KAZN: variants seen among roughly 807,000 people sequenced by gnomAD.
KAZN encodes kazrin.
A neutral mutation model predicts 87.4 loss-of-function variants in KAZN; 40 were observed. The observed-to-expected ratio is 0.46, with a 90% CI of 0.36 to 0.60. The LOEUF is 0.60. KAZN is among the 20% of genes least tolerant of loss of function. The pLI is 0.00. For synonymous variants in KAZN, 466 were observed against 458.3 expected (o/e 1.02, Z -0.22); for missense variants, 898 against 1,073.9 (o/e 0.84, Z 2.29).
chr1:14,858,158 T>A (rs1010566768), intron 1 of KAZN, among the ~76,000 whole-genome samples: 2 of 152,130 alleles, frequency 1.3e-5, no homozygotes, highest in Non-Finnish European at 2.9e-5. Flanking sequence ...TGGAATAATA[T>A]TGCATGATAT....
intron 2 of KAZN, among the ~76,000 whole-genome samples, chr1:14,405,885 A>G (rs1663810649): frequency 6.6e-6 from 1 of 151,978 alleles, no homozygotes; most frequent in Admixed American, 6.6e-5. Context: ...TTTTTGTTCT[A>G]TCCATGCCTC....
intron 2 of KAZN, among the ~76,000 whole-genome samples, chr1:14,483,435 A>C (rs1343078041): frequency 6.6e-6 from 1 of 152,218 alleles, no homozygotes; most frequent in East Asian, 1.9e-4. Flanking sequence ...AAGAAGGAAC[A>C]AAAGGGCAGC....
intron 1 of KAZN, chr1:14,929,883 C>T: frequency 1.0e-6 from 1 of 985,436 alleles, no homozygotes; most frequent in Non-Finnish European, 1.2e-6. Context: ...GGTGGGGACT[C>T]CAGGCTTTCT....
At chr1:14,518,579 G>A (rs1411439111) in intron 2 of KAZN, among the ~76,000 whole-genome samples, 1 of 152,134 alleles carries the variant, frequency 6.6e-6, no homozygotes, top group Admixed American at 6.5e-5. Flanking sequence ...ATCTGCTCTC[G>A]TCGCTTCATC....
chr1:14,010,150 A>G (rs1226311488), intron 1 of KAZN, among the ~76,000 whole-genome samples: 1 of 152,066 alleles, frequency 6.6e-6, no homozygotes, highest in Non-Finnish European at 1.5e-5. Flanking sequence ...TTATCCTACC[A>G]TGGGTCTGAG....
chr1:14,597,845 G>A (rs1676607864), upstream of KAZN, among the ~76,000 whole-genome samples: 2 of 152,130 alleles, frequency 1.3e-5, no homozygotes, highest in African/African-American at 4.8e-5. Context: ...AAAGCCTGTG[G>A]TCTGGGAGAG....
At chr1:14,469,910 G>A (rs1425235020) in intron 2 of KAZN, among the ~76,000 whole-genome samples, 1 of 152,162 alleles carries the variant, frequency 6.6e-6, no homozygotes, top group East Asian at 1.9e-4. Flanking sequence ...TTTTGGCTTT[G>A]AATAATGTCT....
chr1:14,330,718 C>T (rs2100869477), intron 2 of KAZN, among the ~76,000 whole-genome samples: 1 of 152,014 alleles, frequency 6.6e-6, no homozygotes, highest in South Asian at 2.1e-4. Flanking sequence ...TCAGAAGATC[C>T]CAAGCAACTG....
intron 2 of KAZN, among the ~76,000 whole-genome samples, chr1:14,961,766 T>C (rs1663896663): frequency 7.2e-5 from 11 of 152,312 alleles, no homozygotes; most frequent in Admixed American, 5.2e-4. Flanking sequence ...TGAATCCTCT[T>C]TAAAAATGTT....
At chr1:14,564,621 T>C (rs1674441062) in intron 2 of KAZN, among the ~76,000 whole-genome samples, 1 of 148,704 alleles carries the variant, frequency 6.7e-6, no homozygotes, top group South Asian at 2.2e-4. Context: ...CTGGCCAAGA[T>C]GGTGAAACCC....
intron 2 of KAZN, among the ~76,000 whole-genome samples, chr1:14,259,524 C>A (rs1473790965): frequency 6.6e-6 from 1 of 152,148 alleles, no homozygotes; most frequent in Non-Finnish European, 1.5e-5. Context: ...CCAGCCTCAC[C>A]CCCCAAGTGG....
chr1:13,923,137 A>G (rs1458079342), intron 1 of KAZN, among the ~76,000 whole-genome samples: 1 of 152,218 alleles, frequency 6.6e-6, no homozygotes, highest in South Asian at 2.1e-4. Flanking sequence ...TTAACTACCA[A>G]TAGCCTACTG....
intron 2 of KAZN, among the ~76,000 whole-genome samples, chr1:14,411,653 A>C (rs1206969608): frequency 6.6e-6 from 1 of 152,238 alleles, no homozygotes; most frequent in Admixed American, 6.5e-5. Context: ...TGCTTCTAAA[A>C]GTTACATGCA....
At chr1:14,725,779 G>C (rs927623208) in intron 1 of KAZN, among the ~76,000 whole-genome samples, 1 of 152,080 alleles carries the variant, frequency 6.6e-6, no homozygotes, top group Non-Finnish European at 1.5e-5. Flanking sequence ...AAGCCACCTG[G>C]GGATCTTGTG....
chr1:14,198,028 G>GTC (rs1553143226), intron 2 of KAZN, among the ~76,000 whole-genome samples: 11 of 151,800 alleles, frequency 7.2e-5, no homozygotes, highest in Non-Finnish European at 1.2e-4. Context: ...CATAGTAACA[G>GTC]AGTAGTAGTA....
At chr1:14,739,139 C>T (rs763708053) in intron 1 of KAZN, among the ~76,000 whole-genome samples, 15 of 152,152 alleles carry the variant, frequency 9.9e-5, no homozygotes, top group Non-Finnish European at 1.6e-4. Flanking sequence ...GATTGCACCA[C>T]GGCACTCCAG....
intron 2 of KAZN, among the ~76,000 whole-genome samples, chr1:14,547,628 G>C (rs1173183525): frequency 6.6e-6 from 1 of 152,056 alleles, no homozygotes; most frequent in Non-Finnish European, 1.5e-5. Flanking sequence ...TGTCGCCCAG[G>C]CTGGAGTGCA....
intron 1 of KAZN, among the ~76,000 whole-genome samples, chr1:14,602,716 A>G (rs1426876510): frequency 6.6e-6 from 1 of 152,260 alleles, no homozygotes; most frequent in Non-Finnish European, 1.5e-5. Flanking sequence ...TTTGCTATGC[A>G]TAGAACAAAA....
chr1:14,733,068 G>A (rs560103356), intron 1 of KAZN, among the ~76,000 whole-genome samples: 16 of 152,232 alleles, frequency 1.1e-4, no homozygotes, highest in African/African-American at 3.6e-4. Context: ...GTTCAGACAT[G>A]AGCAACCACT....
Sources: gnomAD v4.1 joint callset for allele counts (sites outside exome capture counted in the v4.1 genomes callset) on GRCh38, gnomAD v4.1.1 for gene constraint, MANE v1.5 for transcripts, NCBI Gene and HGNC (gene_info 2026-07-23, HGNC 2026-07-21) for gene names.